TNRC6C: variants seen among roughly 807,000 people sequenced by gnomAD.
The protein encoded by TNRC6C is trinucleotide repeat containing adaptor 6C.
TNRC6C carries 20 observed loss-of-function variants against 153.7 expected under a neutral mutation model. The observed-to-expected ratio is 0.13, with a 90% CI of 0.09 to 0.19. The LOEUF (loss-of-function observed/expected upper bound fraction) is 0.19, where lower values mean the gene tolerates loss of function less well. TNRC6C is among the 10% of genes least tolerant of loss of function. The probability of loss-of-function intolerance (pLI) is 1.00; values close to 1 mark genes in which losing one functional copy is unlikely to be tolerated. For missense variants in TNRC6C, 1,987 were observed against 2,172.0 expected (o/e 0.91, Z 1.69); for synonymous variants, 811 against 841.4 (o/e 0.96, Z 0.63).
chr17:78,018,781 C>T (rs2071778383), intron 1 of TNRC6C, among the ~76,000 whole-genome samples: 1 of 152,150 alleles, frequency 6.6e-6, no homozygotes, highest in Non-Finnish European at 1.5e-5. Context: ...TAGAAAACCT[C>T]TGTATTTATT....
intron 2 of TNRC6C, among the ~76,000 whole-genome samples, chr17:78,039,532 G>C (rs946118985): frequency 6.6e-6 from 1 of 152,192 alleles, no homozygotes; most frequent in African/African-American, 2.4e-5. Context: ...CGATAATGCT[G>C]ATGTTGAAGT....
At chr17:78,099,137 C>G (rs1203270866) in intron 17 of TNRC6C, among the ~76,000 whole-genome samples, 1 of 152,138 alleles carries the variant, frequency 6.6e-6, no homozygotes, top group African/African-American at 2.4e-5. Context: ...CAAAGTGAGA[C>G]CCCATCTCCA....
At chr17:77,961,444 C>T (rs994813945) in intron 1 of TNRC6C, among the ~76,000 whole-genome samples, 4 of 152,182 alleles carry the variant, frequency 2.6e-5, no homozygotes, top group Admixed American at 6.5e-5. Flanking sequence ...GCGTGAGCCA[C>T]CACGCTCGGC....
At chr17:78,035,609 A>G (rs2072163898) in intron 2 of TNRC6C, among the ~76,000 whole-genome samples, 1 of 152,230 alleles carries the variant, frequency 6.6e-6, no homozygotes, top group Non-Finnish European at 1.5e-5. Context: ...ATTCAAGACC[A>G]GCATGGACAA....
chr17:77,992,081 C>T (rs1254337213), intron 1 of TNRC6C, among the ~76,000 whole-genome samples: 1 of 152,224 alleles, frequency 6.6e-6, no homozygotes, highest in Admixed American at 6.5e-5. Flanking sequence ...GAGTAAATGA[C>T]AGCTCTTGCT....
chr17:78,089,969 T>C (rs1284965227), intron 13 of TNRC6C, among the ~76,000 whole-genome samples: 1 of 152,128 alleles, frequency 6.6e-6, no homozygotes, highest in Non-Finnish European at 1.5e-5. Context: ...TTGTGAAATT[T>C]GGAGCATTCT....
At chr17:78,083,816 T>A (rs747552448) in intron 11 of TNRC6C, among the ~76,000 whole-genome samples, 6 of 152,072 alleles carry the variant, frequency 3.9e-5, no homozygotes, top group Non-Finnish European at 7.4e-5. Context: ...TAATCTTGAT[T>A]TTTTTTTAAT....
chr17:78,025,522 A>G lies in TNRC6C; in HGVS notation c.-545-5994A>G, dbSNP rs148493851. Among the ~76,000 whole-genome samples the G allele has an allele frequency of 5.0e-3, 765 of 152,332 alleles. 6 individuals carry two copies. Among genetic ancestry groups the G allele is most frequent in the South Asian group, 0.019 (94 of 4,834 alleles). On this transcript the variant is annotated intron_variant, in intron 1 of 19. Coordinates refer to ENST00000301624, the Ensembl canonical transcript of TNRC6C. Reference sequence around the variant, plus strand: ...ATCTTGGTTGCTTCCAGTTTTTGACAATTATGAATAAAGCTGCTATAAACA... The same window carrying G: ...ATCTTGGTTGCTTCCAGTTTTTGACGATTATGAATAAAGCTGCTATAAACA...
chr17:77,961,523 T>G (rs1456589042), intron 1 of TNRC6C, among the ~76,000 whole-genome samples: 1 of 152,130 alleles, frequency 6.6e-6, no homozygotes, highest in Non-Finnish European at 1.5e-5. Flanking sequence ...AGGTTTAATC[T>G]TAACAATTTC....
At chr17:78,029,471 G>A (rs560060875) in intron 1 of TNRC6C, among the ~76,000 whole-genome samples, 1 of 152,140 alleles carries the variant, frequency 6.6e-6, no homozygotes, top group African/African-American at 2.4e-5. Context: ...ACGCTATAAA[G>A]AATTTTTAAA....
In TNRC6C at chr17:78,010,085, G is replaced by A. The variant is rs1243683131; in HGVS notation, c.-546+5006G>A. ...TTTTATACAGGCAGGGTTTCGCCCT[G>A]TTGCCCAGGTTGGTCTCACACTCAA... On this transcript the variant is annotated intron_variant, in intron 1 of 19. Transcript: ENST00000301624. Among the ~76,000 whole-genome samples the A allele has an allele frequency of 2.0e-5, 3 of 150,220 alleles. No homozygotes were observed. The East Asian group carries it at 6.0e-4, about 30-fold the overall frequency.
intron 1 of TNRC6C, among the ~76,000 whole-genome samples, chr17:77,981,123 G>A (rs563023497): frequency 1.3e-5 from 2 of 152,166 alleles, no homozygotes; most frequent in African/African-American, 2.4e-5. Flanking sequence ...CTCCAGGCAC[G>A]TACCATCATG....
exon 3 of TNRC6C, chr17:78,050,733 T>C (rs2072511833): frequency 6.3e-7 from 1 of 1,588,854 alleles, no homozygotes; most frequent in Admixed American, 1.7e-5. Context: ...GTGGCCATGC[T>C]TGGAGTGGGG....
upstream of TNRC6C, among the ~76,000 whole-genome samples, chr17:77,959,083 G>GCGCCGCCGCCGCAGC (rs1422543265): frequency 2.1e-5 from 3 of 142,166 alleles, no homozygotes; most frequent in South Asian, 2.1e-4. Flanking sequence ...CCACTCGCCC[G>GCGCCGCCGCCGCAGC]CGCCGCCGCC....
At chr17:78,050,535 G>A (rs748118163) in exon 3 of TNRC6C, 10 of 1,613,762 alleles carry the variant, frequency 6.2e-6, no homozygotes, top group African/African-American at 5.3e-5. Flanking sequence ...ACTCAGGGGG[G>A]AAGAACGATG....
chr17:78,016,691 C>A (rs190053848), intron 1 of TNRC6C, among the ~76,000 whole-genome samples: 196 of 152,260 alleles, frequency 1.3e-3, no homozygotes, highest in African/African-American at 4.5e-3. Flanking sequence ...AGGTCATTCT[C>A]TGTGGTTCCT....
At chr17:77,967,206 T>A (rs1203955213) in intron 1 of TNRC6C, among the ~76,000 whole-genome samples, 2 of 152,212 alleles carry the variant, frequency 1.3e-5, no homozygotes, top group African/African-American at 4.8e-5. Flanking sequence ...ACTTTAAATT[T>A]CAGCACATTT....
intron 14 of TNRC6C, among the ~76,000 whole-genome samples, chr17:78,092,604 G>A (rs1364557197): frequency 6.6e-6 from 1 of 152,154 alleles, no homozygotes; most frequent in Non-Finnish European, 1.5e-5. Context: ...CACTGGCCAG[G>A]CATGGTGGCT....
exon 20 of TNRC6C, chr17:78,105,048 ACAGGAT>A: frequency 2.1e-6 from 1 of 470,722 alleles, no homozygotes; most frequent in South Asian, 9.1e-5. Context: ...CATGCTAATG[ACAGGAT>A]GTTCCTCGTA....
Sources: allele counts gnomAD v4.1 joint callset (sites outside exome capture counted in the v4.1 genomes callset), GRCh38; gene constraint gnomAD v4.1.1; transcripts MANE v1.5; gene names NCBI Gene and HGNC (gene_info 2026-07-23, HGNC 2026-07-21).